NLGN1: variants seen among roughly 807,000 people sequenced by gnomAD.
NLGN1 encodes the protein neuroligin 1.
A neutral mutation model predicts 65.5 loss-of-function variants in NLGN1; 12 were observed. The ratio of observed to expected loss-of-function variants is 0.18; its 90% CI spans 0.12 to 0.30. The LOEUF (loss-of-function observed/expected upper bound fraction) is 0.30. Among genes scored for constraint, NLGN1 ranks in the 10% least tolerant of loss-of-function variants. The probability of loss-of-function intolerance (pLI) is 1.00; values close to 1 mark genes in which losing one functional copy is unlikely to be tolerated. For synonymous variants in NLGN1, 350 were observed against 359.5 expected (o/e 0.97, Z 0.30); for missense variants, 750 against 1,007.1 (o/e 0.74, Z 3.46).
intron 4 of NLGN1, among the ~76,000 whole-genome samples, chr3:174,013,760 C>G (rs545694779): frequency 6.7e-4 from 102 of 152,324 alleles, no homozygotes; most frequent in African/African-American, 2.4e-3. Context: ...GTCATCCAGG[C>G]TGGAGTGAGA....
chr3:173,848,837 G>C (rs2150724266), intron 4 of NLGN1, among the ~76,000 whole-genome samples: 1 of 151,980 alleles, frequency 6.6e-6, no homozygotes, highest in South Asian at 2.1e-4. Flanking sequence ...TTTATTTTCT[G>C]ACTATTACAA....
chr3:174,111,600 C>G (rs1169540757), intron 4 of NLGN1, among the ~76,000 whole-genome samples: 2 of 151,638 alleles, frequency 1.3e-5, no homozygotes, highest in Admixed American at 1.3e-4. Context: ...GTTATAAGAT[C>G]TACTTTTAAT....
intron 3 of NLGN1, among the ~76,000 whole-genome samples, chr3:173,694,435 C>T (rs1765905207): frequency 6.6e-6 from 1 of 152,110 alleles, no homozygotes; most frequent in African/African-American, 2.4e-5. Flanking sequence ...TCATTGGGAC[C>T]TACTGACGTG....
chr3:173,789,517 G>A (rs1712167627), intron 3 of NLGN1, among the ~76,000 whole-genome samples: 2 of 152,172 alleles, frequency 1.3e-5, no homozygotes, highest in African/African-American at 2.4e-5. Context: ...CCTTTTCACA[G>A]CCAAAGAAAT....
At chr3:173,860,395 A>AT (rs1162642329) in intron 4 of NLGN1, among the ~76,000 whole-genome samples, 10 of 151,362 alleles carry the variant, frequency 6.6e-5, no homozygotes, top group South Asian at 6.3e-4. Context: ...AATTTTACTG[A>AT]TTTTTTTTCT....
At chr3:174,219,624 A>T (rs574473594) in intron 4 of NLGN1, among the ~76,000 whole-genome samples, 2 of 152,312 alleles carry the variant, frequency 1.3e-5, no homozygotes, top group East Asian at 3.9e-4. Flanking sequence ...TCGTAGGAGT[A>T]CAACAAAATA....
At chr3:173,847,887 TAATTA>T (rs1482195477) in intron 4 of NLGN1, among the ~76,000 whole-genome samples, 2 of 152,098 alleles carry the variant, frequency 1.3e-5, no homozygotes, top group Non-Finnish European at 2.9e-5. Flanking sequence ...ATAAATAAAT[TAATTA>T]AATTAAATTA....
chr3:173,604,602 G>A (rs745472327), exon 3 of NLGN1: 1 of 1,613,120 alleles, frequency 6.2e-7, no homozygotes, highest in South Asian at 1.1e-5. Flanking sequence ...TGGGACCATG[G>A]CACTGCCCAG....
intron 2 of NLGN1, among the ~76,000 whole-genome samples, chr3:173,480,040 A>G (rs1726999083): frequency 1.3e-5 from 2 of 152,270 alleles, no homozygotes; most frequent in Admixed American, 6.5e-5. Flanking sequence ...TTGGGCATAT[A>G]TTATTTAAGA....
At chr3:174,238,133 T>G (rs1034961718) in intron 4 of NLGN1, among the ~76,000 whole-genome samples, 1 of 152,140 alleles carries the variant, frequency 6.6e-6, no homozygotes, top group Non-Finnish European at 1.5e-5. Flanking sequence ...TCTATACTCA[T>G]TTGTTTTTGT....
At chr3:173,601,143 G>C (rs1347471069) in intron 2 of NLGN1, among the ~76,000 whole-genome samples, 1 of 152,036 alleles carries the variant, frequency 6.6e-6, no homozygotes, top group African/African-American at 2.4e-5. Flanking sequence ...CTCGTCCTAT[G>C]TGTGGATTGA....
chr3:174,014,581 C>T (rs958731681), intron 4 of NLGN1, among the ~76,000 whole-genome samples: 3 of 152,174 alleles, frequency 2.0e-5, no homozygotes, highest in Non-Finnish European at 2.9e-5. Flanking sequence ...GCACTCTTTG[C>T]ATGTATCTCA....
chr3:174,032,678 A>G (rs1054181625), intron 4 of NLGN1, among the ~76,000 whole-genome samples: 2 of 152,126 alleles, frequency 1.3e-5, no homozygotes, highest in Admixed American at 1.3e-4. Flanking sequence ...CTAAAATCTT[A>G]TGGTGAAGAA....
intron 2 of NLGN1, among the ~76,000 whole-genome samples, chr3:173,550,071 T>C (rs997393254): frequency 2.0e-5 from 3 of 152,064 alleles, no homozygotes; most frequent in Admixed American, 6.6e-5. Flanking sequence ...TGTTGTTGGT[T>C]CAGTCAAGGC....
intron 4 of NLGN1, among the ~76,000 whole-genome samples, chr3:174,179,486 G>A (rs528649110): frequency 6.6e-6 from 1 of 152,066 alleles, no homozygotes; most frequent in East Asian, 1.9e-4. Context: ...AATATCAAGC[G>A]GATTTTTTTT....
chr3:173,528,073 C>T (rs923524686), intron 2 of NLGN1, among the ~76,000 whole-genome samples: 3 of 152,106 alleles, frequency 2.0e-5, no homozygotes, highest in African/African-American at 4.8e-5. Context: ...CTTAACATGT[C>T]CTTTTATGAC....
chr3:173,607,413 AATT>A (rs1202294164), intron 3 of NLGN1, among the ~76,000 whole-genome samples: 1 of 151,762 alleles, frequency 6.6e-6, no homozygotes, highest in Non-Finnish European at 1.5e-5. Flanking sequence ...TAATATATCC[AATT>A]ATTATTATTA....
chr3:174,144,240 T>C (rs1357924890), intron 4 of NLGN1, among the ~76,000 whole-genome samples: 1 of 152,094 alleles, frequency 6.6e-6, no homozygotes, highest in Non-Finnish European at 1.5e-5. Flanking sequence ...GCAAACAACA[T>C]GAACTCATCC....
chr3:174,235,190 A>G (rs1741492553), intron 4 of NLGN1, among the ~76,000 whole-genome samples: 1 of 151,996 alleles, frequency 6.6e-6, no homozygotes, highest in Non-Finnish European at 1.5e-5. Flanking sequence ...AAATTTATTT[A>G]GAAATCTACT....
Sources: allele counts gnomAD v4.1 joint callset (sites outside exome capture counted in the v4.1 genomes callset), GRCh38; gene constraint gnomAD v4.1.1; transcripts MANE v1.5; gene names NCBI Gene and HGNC (gene_info 2026-07-23, HGNC 2026-07-21).